RBM41: variants seen among roughly 807,000 people sequenced by gnomAD.
The protein encoded by RBM41 is RNA-binding protein 41.
Under a neutral mutation model 30.8 loss-of-function variants are expected in RBM41, and 14 were observed. The observed-to-expected ratio is 0.45, with a 90% CI of 0.30 to 0.71. The LOEUF (loss-of-function observed/expected upper bound fraction) is 0.71, where lower values mean the gene tolerates loss of function less well. Ranked by LOEUF, RBM41 falls within the 30% of genes least tolerant of loss-of-function variation. The pLI, the probability that RBM41 is intolerant of heterozygous loss-of-function variation, is 0.08. For missense variants in RBM41, 276 were observed against 326.3 expected, an observed-to-expected ratio of 0.85 and a Z score of 1.19; for synonymous variants, 120 against 110.1, an observed-to-expected ratio of 1.09 and a Z score of -0.56.
chrX:107,103,024 A>G (rs950408321), intron 5 of RBM41, among the ~76,000 whole-genome samples: 11 of 111,180 alleles, frequency 9.9e-5, no homozygotes, highest in Non-Finnish European at 7.5e-5. Flanking sequence ...TACCTGATAT[A>G]GATGATTTAG....
intron 6 of RBM41, among the ~76,000 whole-genome samples, chrX:107,071,609 T>C (rs780633130): frequency 1.8e-5 from 2 of 111,820 alleles, no homozygotes; most frequent in Non-Finnish European, 3.8e-5. Flanking sequence ...CATACAAAAA[T>C]TGATCAATGT....
chrX:107,105,718 T>C (rs1364822021), intron 5 of RBM41, among the ~76,000 whole-genome samples: 1 of 111,013 alleles, frequency 9.0e-6, no homozygotes, highest in East Asian at 2.8e-4. Context: ...ATGCCGCATA[T>C]CTACAACTAT....
At chrX:107,092,293 G>C (rs186539966) in intron 5 of RBM41, among the ~76,000 whole-genome samples, 17 of 109,362 alleles carry the variant, frequency 1.6e-4, no homozygotes, top group African/African-American at 5.6e-4. Context: ...CACAGGATAG[G>C]AAAAGATATT....
intron 6 of RBM41, among the ~76,000 whole-genome samples, chrX:107,081,608 ATATCT>A (rs771493247): frequency 8.9e-6 from 1 of 112,399 alleles, no homozygotes; most frequent in South Asian, 3.6e-4. Flanking sequence ...AGAAGAACTG[ATATCT>A]TAACAATATT....
At chrX:107,076,880 T>C (rs1347437184) in intron 6 of RBM41, among the ~76,000 whole-genome samples, 1 of 111,323 alleles carries the variant, frequency 9.0e-6, no homozygotes, top group Non-Finnish European at 1.9e-5. Context: ...TGCTAAAAGG[T>C]ATAAATAAAT....
chrX:107,067,718 A>G, intron 7 of RBM41, 25 bp from the exon 8 acceptor site: 1 of 1,179,949 alleles, frequency 8.5e-7, no homozygotes, highest in East Asian at 3.0e-5. Flanking sequence ...AAAAATTTCA[A>G]TTTACATAGG....
intron 6 of RBM41, among the ~76,000 whole-genome samples, chrX:107,085,447 T>A (rs781597828): frequency 2.0e-4 from 22 of 109,552 alleles, no homozygotes; most frequent in Non-Finnish European, 3.4e-4. Flanking sequence ...TTAGTATTTT[T>A]AGTAGAGACG....
rs753536692 is a variant in RBM41 at position 107,097,687 on chromosome X, G to A, written c.596-8848C>T. Among the ~76,000 whole-genome samples the A allele has an allele frequency of 7.2e-5, 8 of 111,600 alleles. No homozygotes were observed. The South Asian group carries it at 3.0e-3, about 42-fold the overall frequency. On this transcript the variant is annotated intron_variant, in intron 5 of 7. Transcript: ENST00000685964. ...CAGTCTCCAGTATTTCTTTATGGCA[G>A]TCTGAGAACAGACTAATAAAGCTGT...
intron 7 of RBM41, among the ~76,000 whole-genome samples, chrX:107,068,993 CA>C (rs776747992): frequency 9.0e-6 from 1 of 111,504 alleles, no homozygotes; most frequent in South Asian, 3.8e-4. Context: ...ATACTATTGT[CA>C]GTGAAGGGAG....
intron 5 of RBM41, among the ~76,000 whole-genome samples, chrX:107,098,459 A>G (rs1171877740): frequency 2.7e-5 from 3 of 111,758 alleles, no homozygotes; most frequent in Non-Finnish European, 5.6e-5. Flanking sequence ...GGAACAAAAG[A>G]GAGAATCAAA....
chrX:107,076,080 G>A (rs1936214077), intron 6 of RBM41, among the ~76,000 whole-genome samples: 1 of 110,555 alleles, frequency 9.0e-6, no homozygotes, highest in African/African-American at 3.3e-5. Context: ...CATTTTGGGA[G>A]GCTGAAGCAG....
chrX:107,066,755 T>C lies in RBM41; in HGVS notation c.*772A>G. 1.3e-6 allele frequency: 1 copy of C among 749,907 alleles called. No homozygotes were observed. Among genetic ancestry groups the C allele is most frequent in the Non-Finnish European group, 1.6e-6 (1 of 635,464 alleles). 61.8% of individuals were successfully genotyped at this position (749,907 alleles called of 1,213,427 possible). ...TGGCATCCTCTTTTCTAGAGAACGC[T>C]TTATTTCCATTTCCGTTTGGCATTC... On this transcript the variant is annotated 3_prime_UTR_variant, in exon 8 of 8. Transcript: ENST00000685964.
chrX:107,115,158 A>G, intron 4 of RBM41, 194 bp downstream of exon 4: 8 of 451,614 alleles, frequency 1.8e-5, no homozygotes, highest in South Asian at 3.5e-5. Flanking sequence ...TCAAATCTCT[A>G]TAATAGCAGT....
At chrX:107,104,094 C>A (rs946452507) in intron 5 of RBM41, among the ~76,000 whole-genome samples, 2 of 110,433 alleles carry the variant, frequency 1.8e-5, no homozygotes, top group East Asian at 2.8e-4. Context: ...CCTACCCCCC[C>A]GCCAGAGACC....
the RBM41 span, among the ~76,000 whole-genome samples, chrX:107,053,988 G>T: frequency 6.3e-5 from 7 of 111,118 alleles, no homozygotes; most frequent in Non-Finnish European, 7.5e-5. Flanking sequence ...TATATGATGG[G>T]GCATCAATAT....
At chrX:107,095,317 C>T (rs1353913623) in intron 5 of RBM41, among the ~76,000 whole-genome samples, 1 of 111,130 alleles carries the variant, frequency 9.0e-6, no homozygotes, top group Non-Finnish European at 1.9e-5. Context: ...AACTTTAGGC[C>T]AGGCATAGTG....
At chrX:107,078,984 C>A (rs1437866808) in intron 6 of RBM41, among the ~76,000 whole-genome samples, 1 of 110,325 alleles carries the variant, frequency 9.1e-6, no homozygotes, top group Non-Finnish European at 1.9e-5. Context: ...ACAAGATGCA[C>A]AAGGCTCATC....
intron 5 of RBM41, among the ~76,000 whole-genome samples, chrX:107,095,622 C>A (rs1416080001): frequency 9.1e-6 from 1 of 109,877 alleles, no homozygotes; most frequent in African/African-American, 3.3e-5. Flanking sequence ...AAAGAAATAT[C>A]AACTCAATTT....
chrX:107,061,311 A>C (rs949489799), downstream of RBM41, among the ~76,000 whole-genome samples: 1 of 112,027 alleles, frequency 8.9e-6, no homozygotes, highest in African/African-American at 3.2e-5. Context: ...GATATATGAC[A>C]ACTCTCTTAT....
Sources: allele counts gnomAD v4.1 joint callset (sites outside exome capture counted in the v4.1 genomes callset), GRCh38; gene constraint gnomAD v4.1.1; transcripts MANE v1.5; gene names NCBI Gene and HGNC (gene_info 2026-07-23, HGNC 2026-07-21).